Variants in POLN observed in about 807,000 individuals in gnomAD.
The protein encoded by POLN is DNA polymerase nu.
Under a neutral mutation model 113.5 loss-of-function variants are expected in POLN, and 108 were observed. The ratio of observed to expected loss-of-function variants is 0.95; its 90% CI spans 0.81 to 1.12. The LOEUF (loss-of-function observed/expected upper bound fraction) is 1.12, where lower values mean the gene tolerates loss of function less well. POLN is among the 50% of genes most tolerant of loss of function. The pLI is 0.00. For missense variants in POLN, 1,097 were observed against 1,077.1 expected (o/e 1.02, Z -0.26); for synonymous variants, 386 against 391.5 (o/e 0.99, Z 0.17).
At chr4:2,198,403 T>G in intron 6 of POLN, 121 bp downstream of exon 6, 1 of 762,180 alleles carries the variant, frequency 1.3e-6, no homozygotes. Flanking sequence ...CATTTTATTT[T>G]CATGTGCCCA....
intron 3 of POLN, among the ~76,000 whole-genome samples, chr4:2,215,748 A>G (rs1217655477): frequency 6.6e-6 from 1 of 152,192 alleles, no homozygotes; most frequent in Non-Finnish European, 1.5e-5. Flanking sequence ...ACGTTCTGGG[A>G]GCAGCTCCTG....
intron 16 of POLN, among the ~76,000 whole-genome samples, chr4:2,151,941 T>C (rs1044549655): frequency 6.6e-6 from 1 of 152,154 alleles, no homozygotes; most frequent in Admixed American, 6.5e-5. Flanking sequence ...GCAATAACTT[T>C]CTCTTAGGAG....
In POLN at chr4:2,086,697, C is replaced by T. The variant is rs183627771; in HGVS notation, c.2066-953G>A. Among the ~76,000 whole-genome samples, 7 of 152,298 alleles carry T rather than the reference C, an allele frequency of 4.6e-5. No homozygotes were observed. The East Asian group carries it at 9.6e-4, about 21-fold the overall frequency. On this transcript the variant is annotated intron_variant, in intron 20 of 25. Coordinates refer to ENST00000511885, the MANE Select transcript of POLN (RefSeq NM_181808.4). ...AGTGGGATCCTAGGGAAAGCCTTGG[C>T]CCTGGGGAGTGCTGTATCCTTGGAA...
chr4:2,214,058 A>T (rs959126499), intron 3 of POLN, among the ~76,000 whole-genome samples: 4 of 152,296 alleles, frequency 2.6e-5, no homozygotes. Context: ...CAAAATGGTG[A>T]AACCCCACCT....
intron 3 of POLN, among the ~76,000 whole-genome samples, chr4:2,220,731 C>T (rs1362627148): frequency 2.0e-5 from 3 of 152,202 alleles, no homozygotes; most frequent in Admixed American, 2.0e-4. Flanking sequence ...AATTACTCTA[C>T]GGTTTCTGTC....
chr4:2,107,966 C>T (rs1731106054), intron 19 of POLN, among the ~76,000 whole-genome samples: 1 of 152,200 alleles, frequency 6.6e-6, no homozygotes, highest in Admixed American at 6.5e-5. Context: ...GATCCCATGA[C>T]ACCTTTGCGA....
At chr4:2,200,683 G>A (rs886274417) in intron 5 of POLN, among the ~76,000 whole-genome samples, 13 of 152,064 alleles carry the variant, frequency 8.5e-5, no homozygotes, top group African/African-American at 3.1e-4. Context: ...TACATCAAGG[G>A]AACACCCCAT....
chr4:2,143,075 A>T (rs1161963208), intron 16 of POLN, among the ~76,000 whole-genome samples: 1 of 152,162 alleles, frequency 6.6e-6, no homozygotes, highest in Non-Finnish European at 1.5e-5. Context: ...GGTTAAAGAT[A>T]GAGCAGTGCT....
At chr4:2,159,670 C>T (rs997840252) in intron 13 of POLN, among the ~76,000 whole-genome samples, 2 of 152,168 alleles carry the variant, frequency 1.3e-5, no homozygotes, top group African/African-American at 4.8e-5. Context: ...TGTTAACCAC[C>T]ACCCACAGCG....
intron 2 of POLN, among the ~76,000 whole-genome samples, chr4:2,233,088 C>G (rs1465610474): frequency 2.0e-5 from 3 of 152,174 alleles, no homozygotes; most frequent in Admixed American, 2.0e-4. Context: ...TACTTAAGAC[C>G]TGTCATAAAT....
intron 2 of POLN, chr4:2,230,561 T>G (rs1479854862): frequency 6.6e-6 from 1 of 151,974 alleles, no homozygotes; most frequent in East Asian, 1.9e-4. Flanking sequence ...ACATAAAATT[T>G]TAAATAACAT....
At chr4:2,111,308 C>A (rs1425592628) in intron 19 of POLN, among the ~76,000 whole-genome samples, 3 of 151,804 alleles carry the variant, frequency 2.0e-5, no homozygotes, top group Non-Finnish European at 4.4e-5. Flanking sequence ...AAACTGGAAG[C>A]ATTCCCTTTG....
intron 13 of POLN, among the ~76,000 whole-genome samples, chr4:2,167,124 C>T (rs1162775943): frequency 6.6e-6 from 1 of 152,142 alleles, no homozygotes; most frequent in African/African-American, 2.4e-5. Flanking sequence ...GGGCATCTGT[C>T]CTGCTCACGG....
At chr4:2,172,058 A>C (rs1732875241) in intron 11 of POLN, among the ~76,000 whole-genome samples, 2 of 152,330 alleles carry the variant, frequency 1.3e-5, no homozygotes, top group Non-Finnish European at 2.9e-5. Flanking sequence ...AGACTTGAGC[A>C]GATCCTTTAC....
At chr4:2,219,824 A>T (rs897966277) in intron 3 of POLN, among the ~76,000 whole-genome samples, 2 of 152,088 alleles carry the variant, frequency 1.3e-5, no homozygotes, top group Non-Finnish European at 2.9e-5. Context: ...CCTCTCCTAC[A>T]AGGAACTAAA....
At position 2,119,147 on chromosome 4, in the gene POLN, A is replaced by G. The variant is rs35562171; in HGVS notation, c.1982+8966T>C. ...AATCATGTCATTGGCAAGTAGAGAC[A>G]GTCTCAGAGAAGCACTCCAAAACCA... On this transcript the variant is annotated intron_variant, in intron 19 of 25. Transcript: ENST00000511885. Among the ~76,000 whole-genome samples the G allele has an allele frequency of 6.6e-5, 10 of 152,374 alleles. No homozygotes were observed. In the East Asian group the frequency reaches 1.3e-3, roughly 21 times the overall value.
intron 3 of POLN, among the ~76,000 whole-genome samples, chr4:2,214,034 G>C (rs1000643697): frequency 6.6e-6 from 1 of 152,142 alleles, no homozygotes; most frequent in East Asian, 1.9e-4. Flanking sequence ...TCAGGAGCTC[G>C]AGACCAGCTT....
At chr4:2,192,672 A>T (rs900882326) in intron 7 of POLN, among the ~76,000 whole-genome samples, 35 of 152,092 alleles carry the variant, frequency 2.3e-4, no homozygotes, top group Non-Finnish European at 4.3e-4. Context: ...TATTAAAAAA[A>T]CTTTACTATT....
At chr4:2,144,410 C>T (rs1029004535) in intron 16 of POLN, among the ~76,000 whole-genome samples, 9 of 151,782 alleles carry the variant, frequency 5.9e-5, no homozygotes, top group African/African-American at 9.7e-5. Flanking sequence ...CCCCAAGTGC[C>T]GGGATTACAG....
Sources: gnomAD v4.1 joint callset for allele counts (sites outside exome capture counted in the v4.1 genomes callset) on GRCh38, gnomAD v4.1.1 for gene constraint, MANE v1.5 for transcripts, NCBI Gene and HGNC (gene_info 2026-07-23, HGNC 2026-07-21) for gene names.